Variants in KIF5C observed in about 807,000 individuals in gnomAD.
KIF5C encodes the protein kinesin family member 5C.
A neutral mutation model predicts 125.2 loss-of-function variants in KIF5C; 18 were observed. The ratio of observed to expected loss-of-function variants is 0.14; its 90% CI spans 0.10 to 0.21. KIF5C has a LOEUF of 0.21. Ranked by LOEUF, KIF5C falls within the 10% of genes least tolerant of loss-of-function variation. The pLI, the probability that KIF5C is intolerant of heterozygous loss-of-function variation, is 1.00. For missense variants in KIF5C, 780 were observed against 1,183.8 expected, an observed-to-expected ratio of 0.66 and a Z score of 5.01; for synonymous variants, 405 against 434.0, an observed-to-expected ratio of 0.93 and a Z score of 0.83.
intron 15 of KIF5C, among the ~76,000 whole-genome samples, chr2:148,989,382 A>G (rs1294673890): frequency 6.7e-6 from 1 of 149,910 alleles, no homozygotes; most frequent in Non-Finnish European, 1.5e-5. Flanking sequence ...CATTTTCTTT[A>G]TCTACTCATT....
intron 10 of KIF5C, among the ~76,000 whole-genome samples, chr2:148,952,267 CA>C (rs985695200): frequency 2.0e-5 from 3 of 151,888 alleles, no homozygotes; most frequent in Admixed American, 6.6e-5. Context: ...AACATCTCTT[CA>C]AAAAAAATCC....
chr2:148,971,621 G>A (rs888996710), intron 11 of KIF5C, among the ~76,000 whole-genome samples: 4 of 152,146 alleles, frequency 2.6e-5, no homozygotes, highest in Non-Finnish European at 5.9e-5. Context: ...AAGGAAAAAG[G>A]GTTGGCTCAA....
At chr2:148,959,668 T>A (rs944677444) in intron 10 of KIF5C, among the ~76,000 whole-genome samples, 2 of 152,170 alleles carry the variant, frequency 1.3e-5, no homozygotes, top group African/African-American at 4.8e-5. Context: ...CTCCTCTGGA[T>A]CTTTTCTGCA....
At chr2:148,947,877 T>A (rs1468152904) in intron 8 of KIF5C, 2 of 456,552 alleles carry the variant, frequency 4.4e-6, no homozygotes, top group Admixed American at 2.3e-5. Context: ...GCTTGGTCAG[T>A]CTCCCTAACT....
intron 25 of KIF5C, among the ~76,000 whole-genome samples, chr2:149,018,712 G>A (rs1392803860): frequency 1.3e-5 from 2 of 152,130 alleles, no homozygotes; most frequent in Admixed American, 6.5e-5. Flanking sequence ...GGCAGCTTAC[G>A]CCTGTAGTCC....
At chr2:148,998,286 G>A (rs1558940067) in intron 18 of KIF5C, 114 bp from the exon 19 acceptor site, 7 of 1,473,688 alleles carry the variant, frequency 4.7e-6, no homozygotes, top group Non-Finnish European at 6.4e-6. Flanking sequence ...CCCAGTTTTG[G>A]GATCTGACAT....
chr2:148,949,590 G>C (rs1682608672), intron 8 of KIF5C, among the ~76,000 whole-genome samples: 1 of 152,180 alleles, frequency 6.6e-6, no homozygotes, highest in Non-Finnish European at 1.5e-5. Flanking sequence ...GGAAGCATCT[G>C]CAGCTCCACC....
At chr2:149,002,709 C>T (rs965671656) in intron 21 of KIF5C, among the ~76,000 whole-genome samples, 8 of 152,154 alleles carry the variant, frequency 5.3e-5, no homozygotes, top group Non-Finnish European at 7.3e-5. Flanking sequence ...CCCCCTCACA[C>T]GCACGCAGGC....
At chr2:148,937,823 A>G (rs1049880319) in intron 4 of KIF5C, among the ~76,000 whole-genome samples, 25 of 152,224 alleles carry the variant, frequency 1.6e-4, no homozygotes, top group African/African-American at 6.0e-4. Flanking sequence ...AGTTTATCAC[A>G]GGTTTCAATA....
At chr2:149,010,640 A>G (rs563875219) in intron 24 of KIF5C, among the ~76,000 whole-genome samples, 8 of 152,404 alleles carry the variant, frequency 5.2e-5, no homozygotes, top group African/African-American at 1.9e-4. Context: ...GTCTTGGGCT[A>G]TAAATGGGTA....
chr2:148,879,448 A>G (rs1681285810), intron 1 of KIF5C: 1 of 151,932 alleles, frequency 6.6e-6, no homozygotes, highest in African/African-American at 2.4e-5. Flanking sequence ...AAGATAGCAT[A>G]TATAATACTT....
chr2:149,003,392 C>T (rs1457573513), intron 21 of KIF5C, among the ~76,000 whole-genome samples: 1 of 152,244 alleles, frequency 6.6e-6, no homozygotes, highest in Non-Finnish European at 1.5e-5. Context: ...GTCGGGGCAT[C>T]CCTGGCCCCG....
intron 11 of KIF5C, among the ~76,000 whole-genome samples, chr2:148,971,208 C>T (rs1230871621): frequency 6.6e-6 from 1 of 152,026 alleles, no homozygotes; most frequent in Non-Finnish European, 1.5e-5. Context: ...TTGTATACTC[C>T]ACATTGCTTG....
chr2:148,931,998 A>G (rs1469821756), intron 3 of KIF5C, among the ~76,000 whole-genome samples: 1 of 152,082 alleles, frequency 6.6e-6, no homozygotes, highest in Non-Finnish European at 1.5e-5. Flanking sequence ...CCACCCCCTC[A>G]CTTAATCGAG....
At chr2:148,890,940 CATATATATT>C (rs1257033075) in intron 1 of KIF5C, among the ~76,000 whole-genome samples, 1 of 151,990 alleles carries the variant, frequency 6.6e-6, no homozygotes, top group Non-Finnish European at 1.5e-5. Context: ...TACTGGTTAT[CATATATATT>C]ATATATATAG....
At chr2:148,962,341 ATT>A (rs374547075) in intron 11 of KIF5C, among the ~76,000 whole-genome samples, 14 of 135,668 alleles carry the variant, frequency 1.0e-4, no homozygotes, top group Non-Finnish European at 1.1e-4. Flanking sequence ...AATTTTTGTA[ATT>A]TTTTTTTTTT....
intron 14 of KIF5C, among the ~76,000 whole-genome samples, chr2:148,981,939 G>A (rs1413928201): frequency 6.6e-6 from 1 of 152,160 alleles, no homozygotes; most frequent in Non-Finnish European, 1.5e-5. Flanking sequence ...CTGTAAAAAT[G>A]GTGACGATCA....
intron 4 of KIF5C, among the ~76,000 whole-genome samples, chr2:148,938,230 T>G (rs1218203875): frequency 6.6e-5 from 10 of 152,120 alleles, no homozygotes; most frequent in Admixed American, 6.5e-4. Flanking sequence ...GAGGATGAAG[T>G]GTGGAGGGCA....
chr2:148,929,161 A>G (rs1425557110), intron 2 of KIF5C, 120 bp from the exon 3 acceptor site: 1 of 623,348 alleles, frequency 1.6e-6, no homozygotes, highest in Non-Finnish European at 2.8e-6. Context: ...GAGTTGAAAT[A>G]TATCATTTGT....
Sources: gnomAD v4.1 joint callset for allele counts (sites outside exome capture counted in the v4.1 genomes callset) on GRCh38, gnomAD v4.1.1 for gene constraint, MANE v1.5 for transcripts, NCBI Gene and HGNC (gene_info 2026-07-23, HGNC 2026-07-21) for gene names.